Variants in ADAMTS13 observed in about 807,000 individuals in gnomAD.
ADAMTS13 encodes the protein ADAM metallopeptidase with thrombospondin type 1 motif 13.
Under a neutral mutation model 155.1 loss-of-function variants are expected in ADAMTS13, and 110 were observed. The observed-to-expected ratio is 0.71, with a 90% confidence interval of 0.61 to 0.83. ADAMTS13 has a LOEUF of 0.83. Among genes scored for constraint, ADAMTS13 ranks in the 40% least tolerant of loss-of-function variants. The probability of loss-of-function intolerance (pLI) is 0.00; values close to 1 mark genes in which losing one functional copy is unlikely to be tolerated. For missense variants in ADAMTS13, 1,707 were observed against 1,891.7 expected, an observed-to-expected ratio of 0.90 and a Z score of 1.81; for synonymous variants, 758 against 756.4, an observed-to-expected ratio of 1.00 and a Z score of -0.03.
rs1333111764 is a variant in ADAMTS13 at position 133,459,003 on chromosome 9, A to G, written c.3939A>G (p.Thr1313=). 2 of 1,613,078 alleles carry G rather than the reference A, an allele frequency of 1.2e-6. No individual in the cohort carries two copies. The highest frequency in any genetic ancestry group is 8.5e-7 in the Non-Finnish European group (1 of 1,179,970). ...LIRDTHSLRT[T]AFHGQQVLYW... Reference sequence around the variant, plus strand: ...GGGACACCCACAGCTTGAGGACCACAGCGTTCCATGGGCAGCAGGTGCTCT... The same window carrying G: ...GGGACACCCACAGCTTGAGGACCACGGCGTTCCATGGGCAGCAGGTGCTCT... The change falls in exon 29 of 29, where the codon ACA becomes ACG. Residue 1313 remains threonine (T), a synonymous_variant. Transcript: ENST00000355699.
chr9:133,443,666 G>A, intron 19 of ADAMTS13, 105 bp downstream of exon 19: 5 of 1,306,584 alleles, frequency 3.8e-6, no homozygotes, highest in Non-Finnish European at 5.1e-6. Context: ...GAGGCCTCCG[G>A]CGGGGCCTCA....
upstream of ADAMTS13, chr9:133,417,835 C>T (rs587698156): frequency 6.3e-7 from 1 of 1,599,922 alleles, no homozygotes; most frequent in Admixed American, 1.7e-5. Context: ...GGGACCTTCG[C>T]CTTCCCCATC....
intron 8 of ADAMTS13, 24 bp downstream of exon 8, chr9:133,430,125 G>T: frequency 6.4e-7 from 1 of 1,563,356 alleles, no homozygotes; most frequent in East Asian, 2.3e-5. Flanking sequence ...CGGTGGCCTG[G>T]GATTGGCTGT....
chr9:133,431,666 T>G (rs945538681), intron 8 of ADAMTS13, among the ~76,000 whole-genome samples: 1 of 151,264 alleles, frequency 6.6e-6, no homozygotes, highest in Non-Finnish European at 1.5e-5. Flanking sequence ...ATTTATTTAT[T>G]TATTTTGAGA....
Position 133,425,900 on chromosome 9 carries a change from G to A in ADAMTS13, c.415-38G>A. On this transcript the variant is annotated intron_variant, in intron 4 of 28. Coordinates refer to ENST00000355699, the MANE Select transcript of ADAMTS13 (RefSeq NM_139027.6). The surrounding 1 kb of genome is among the most constrained non-coding windows in gnomAD (Gnocchi z 4.6). ...ACCGCAGTCAGCACCGTGCCTGGTT[G>A]GGGTGTCCTAAATGCAGGCTTTGCT... 6.2e-7 allele frequency: 1 copy of A among 1,611,996 alleles called. No individual in the cohort carries two copies. The highest frequency in any genetic ancestry group is 8.5e-7 in the Non-Finnish European group (1 of 1,179,922).
rs36222895 is a variant in ADAMTS13 at position 133,456,252 on chromosome 9, T to C, written c.3547+37T>C. On this transcript the variant is annotated intron_variant, in intron 26 of 28. Transcript: ENST00000355699. The surrounding 1 kb of genome is among the most constrained non-coding windows in gnomAD (Gnocchi z 4.4). ...GCCATGCAAGCGATGCTGCCAGTTA[T>C]GGGCCCTGCCAGGAGCCAGCACGAC... The C allele has an allele frequency of 4.7e-4, 763 of 1,612,946 alleles. 4 individuals carry two copies. In the African/African-American group the frequency reaches 9.0e-3, roughly 19 times the overall value.
chr9:133,449,671 C>T (rs2130913236), intron 22 of ADAMTS13, 112 bp from the exon 23 acceptor site: 1 of 1,282,306 alleles, frequency 7.8e-7, no homozygotes, highest in Non-Finnish European at 1.1e-6. Context: ...CTCTCCGGGC[C>T]CTTCCCAGCT....
rs1554784988 is a variant in ADAMTS13, at chr9:133,425,556, C to G, written c.358C>G (p.Leu120Val). 2 of 1,613,606 alleles carry G rather than the reference C, an allele frequency of 1.2e-6. No homozygotes were observed. Among genetic ancestry groups the G allele is most frequent in the East Asian group, 2.2e-5 (1 of 44,882 alleles). The change falls in exon 4 of 29, where the codon CTG (leucine) becomes GTG (valine). Residue 120 changes from leucine to valine, a missense_variant. By Grantham distance (32) the Leu-to-Val change is conservative (BLOSUM62 1). Around this residue, in one of 3 missense-constraint regions of ADAMTS13, gnomAD observed 733 missense variants for 749.6 expected, o/e 0.98. Transcript: ENST00000355699. This position sits in a 1 kb window ranked among gnomAD's most constrained non-coding sequence, Gnocchi z 4.6. ...GGCAGAACTGCTTCGGGACCCGTCC[C>G]TGGGGGCTCAGTTTCGGGTGCACCT... ...IGAELLRDPS[L>V]GAQFRVHLVK...
chr9:133,444,987 G>A lies in ADAMTS13; in HGVS notation c.2545G>A (p.Val849Ile), dbSNP rs140639242. 2.2e-4 allele frequency: 355 copies of A among 1,613,488 alleles called. 2 individuals carry two copies. The highest frequency in any genetic ancestry group is 1.6e-3 in the Middle Eastern group (10 of 6,062). Residue 849 changes from valine (V) to isoleucine (I), a missense_variant, in exon 20 of 29, where the codon GTA becomes ATA. By Grantham distance (29) the Val-to-Ile change is conservative. Coordinates refer to ENST00000355699, the MANE Select transcript of ADAMTS13 (RefSeq NM_139027.6). ...EAPVTEGPGS[V>I]DEKLPAPEPC... ...TCCAGTGACTGAGGGGCCTGGCTCC[G>A]TAGATGAGAAGCTGCCTGCCCCTGA... is the stretch of plus-strand genomic sequence containing the variant.
chr9:133,429,105 C>T (rs1047953705), intron 7 of ADAMTS13, among the ~76,000 whole-genome samples: 39 of 146,082 alleles, frequency 2.7e-4, no homozygotes, highest in Admixed American at 7.3e-4. Flanking sequence ...ACCCCGCGCC[C>T]ACAGCTCCGT....
intron 11 of ADAMTS13, among the ~76,000 whole-genome samples, chr9:133,435,860 C>G (rs587766492): frequency 6.6e-5 from 10 of 152,016 alleles, no homozygotes; most frequent in African/African-American, 2.4e-4. Context: ...ACTGCCAAAC[C>G]GTTTTCCACA....
rs587617349 is a variant in ADAMTS13, at chr9:133,447,384, T to C, written c.2732-1215T>C. Reference sequence around the variant, plus strand: ...TTAGCTCACTACAACCTCCACCACCTGGGCTGAAGCCATCCTCCCCCCTCA... The same window carrying C: ...TTAGCTCACTACAACCTCCACCACCCGGGCTGAAGCCATCCTCCCCCCTCA... On this transcript the variant is annotated intron_variant, in intron 21 of 28. Coordinates refer to ENST00000355699, the MANE Select transcript of ADAMTS13 (RefSeq NM_139027.6). Among the ~76,000 whole-genome samples, 109 of 152,284 alleles carry C rather than the reference T, an allele frequency of 7.2e-4. 1 individual carries two copies. The highest frequency in any genetic ancestry group is 2.5e-3 in the African/African-American group (106 of 41,574).
At chr9:133,442,560 C>T (rs1554791146) in intron 17 of ADAMTS13, 26 bp downstream of exon 17, 3 of 1,613,506 alleles carry the variant, frequency 1.9e-6, no homozygotes, top group Middle Eastern at 1.6e-4. Flanking sequence ...GGCTCATCCA[C>T]AGCACGGCTT....
At position 133,458,927 on chromosome 9, in the gene ADAMTS13, A is replaced by G. The variant is rs1018255991; in HGVS notation, c.3910-47A>G. Reference sequence around the variant, plus strand: ...GCACACGAAGGCTTCCGTGAGTGCTAATTATTACTTGTGGCCGGTCCTTCT... The same window carrying G: ...GCACACGAAGGCTTCCGTGAGTGCTGATTATTACTTGTGGCCGGTCCTTCT... On this transcript the variant is annotated intron_variant, in intron 28 of 28. Coordinates refer to ENST00000355699, the MANE Select transcript of ADAMTS13 (RefSeq NM_139027.6). The G allele has an allele frequency of 9.7e-6, 15 of 1,550,606 alleles. No individual in the cohort carries two copies. The Admixed American group carries it at 1.0e-4, about 11-fold the overall frequency.
In ADAMTS13 at chr9:133,444,996, A is replaced by C; in HGVS notation, c.2554A>C (p.Lys852Gln). The C allele has an allele frequency of 6.2e-7, 1 of 1,613,418 alleles. No homozygotes were observed. Among genetic ancestry groups the C allele is most frequent in the Non-Finnish European group, 8.5e-7 (1 of 1,179,976 alleles). The change falls in exon 20 of 29, where the codon AAG (lysine) becomes CAG (glutamine). Residue 852 changes from lysine (K) to glutamine (Q), a missense_variant. Lys to Gln is a moderately conservative substitution (Grantham distance 53). This residue lies in a region of ADAMTS13 where 961 missense variants were observed against 1,107.9 expected (regional missense o/e 0.87). Coordinates refer to ENST00000355699, the MANE Select transcript of ADAMTS13 (RefSeq NM_139027.6). Reference sequence around the variant, plus strand: ...TGAGGGGCCTGGCTCCGTAGATGAGAAGCTGCCTGCCCCTGAGCCCTGTGT... The same window carrying C: ...TGAGGGGCCTGGCTCCGTAGATGAGCAGCTGCCTGCCCCTGAGCCCTGTGT... The part of the protein sequence containing the change: ...VTEGPGSVDE[K>Q]LPAPEPCVGM...
chr9:133,416,917 T>C (rs1839653092), intron 1 of ADAMTS13, among the ~76,000 whole-genome samples: 1 of 152,212 alleles, frequency 6.6e-6, no homozygotes, highest in South Asian at 2.1e-4. Context: ...AGACCGTAAG[T>C]GTCGCTAGAA....
At position 133,454,655 on chromosome 9, in the gene ADAMTS13, T is replaced by C. The variant is rs1554795229; in HGVS notation, c.3249+36T>C. 5.1e-6 allele frequency: 8 copies of C among 1,561,312 alleles called. No homozygotes were observed. The South Asian group carries it at 9.2e-5, about 18-fold the overall frequency. ...CGGGCACTCGGAATCCCTATGGGGC[T>C]GGGGTGGGCATCAGCTGTGGCTCCT... On this transcript the variant is annotated intron_variant, in intron 24 of 28. Transcript: ENST00000355699.
chr9:133,420,828 A>G (rs1410967477), upstream of ADAMTS13, among the ~76,000 whole-genome samples: 2 of 152,260 alleles, frequency 1.3e-5, no homozygotes, highest in Non-Finnish European at 2.9e-5. Context: ...TTAAAGATCA[A>G]TTTCAATGGT....
At chr9:133,428,879 C>T in intron 7 of ADAMTS13, 108 bp downstream of exon 7, 1 of 1,125,312 alleles carries the variant, frequency 8.9e-7, no homozygotes. Context: ...GCCCTCCTTC[C>T]TGTCCCACCC....
Sources: allele counts gnomAD v4.1 joint callset (sites outside exome capture counted in the v4.1 genomes callset), GRCh38; gene constraint gnomAD v4.1.1; regional missense constraint gnomAD v4.1.1; non-coding constraint Gnocchi (gnomAD v3.1); transcripts MANE v1.5; gene names NCBI Gene and HGNC (gene_info 2026-07-23, HGNC 2026-07-21).